Variants in KCNK2 observed in about 807,000 individuals in gnomAD.
KCNK2 encodes the protein potassium channel subfamily K member 2.
KCNK2 carries 21 observed loss-of-function variants against 40.5 expected under a neutral mutation model. The observed-to-expected ratio is 0.52, with a 90% confidence interval of 0.37 to 0.75. The LOEUF (loss-of-function observed/expected upper bound fraction) is 0.75, where lower values mean the gene tolerates loss of function less well. Ranked by LOEUF, KCNK2 falls within the 30% of genes least tolerant of loss-of-function variation. The pLI is 0.00. For synonymous variants in KCNK2, 191 were observed against 202.2 expected, an observed-to-expected ratio of 0.94 and a Z score of 0.47; for missense variants, 399 against 531.6, an observed-to-expected ratio of 0.75 and a Z score of 2.45.
At chr1:215,050,373 A>C (rs1452483931) in intron 1 of KCNK2, among the ~76,000 whole-genome samples, 2 of 152,212 alleles carry the variant, frequency 1.3e-5, no homozygotes, top group African/African-American at 4.8e-5. Flanking sequence ...TTGCAGTGTC[A>C]TGTCATAACT....
At chr1:215,205,368 G>T (rs1665270789) in intron 6 of KCNK2, among the ~76,000 whole-genome samples, 1 of 152,106 alleles carries the variant, frequency 6.6e-6, no homozygotes, top group South Asian at 2.1e-4. Context: ...CTCCCAAGTA[G>T]CTGGGACTAC....
At chr1:215,080,166 G>A (rs529784298), upstream of KCNK2, among the ~76,000 whole-genome samples, 21 of 152,238 alleles carry the variant, frequency 1.4e-4, no homozygotes, top group Admixed American at 3.3e-4. Context: ...AAACAGAAGC[G>A]CTATGCAAGC....
chr1:215,194,711 A>T (rs1489587007), intron 5 of KCNK2, among the ~76,000 whole-genome samples: 1 of 152,338 alleles, frequency 6.6e-6, no homozygotes, highest in South Asian at 2.1e-4. Flanking sequence ...AGGAAAAATC[A>T]TGATGATCTG....
intron 5 of KCNK2, among the ~76,000 whole-genome samples, chr1:215,188,881 C>G (rs747408118): frequency 1.6e-4 from 25 of 152,022 alleles, no homozygotes; most frequent in Non-Finnish European, 3.7e-4. Flanking sequence ...GTTTTATATT[C>G]ATTGGTCATT....
intron 1 of KCNK2, among the ~76,000 whole-genome samples, chr1:215,045,631 A>T (rs960182029): frequency 6.6e-6 from 1 of 152,110 alleles, no homozygotes; most frequent in African/African-American, 2.4e-5. Context: ...CATATGAAAA[A>T]CCTGTCCTTG....
rs1662628046 is a variant in KCNK2 at position 215,150,281 on chromosome 1, T to C, written c.476-18918T>C. ...AAGTAACATAATCAGAGGGGACCAA[T>C]AGGGAAATATTTCGGTTTGGTTAAC... On this transcript the variant is annotated intron_variant, in intron 3 of 6. Transcript: ENST00000444842. 2.6e-5 allele frequency among the ~76,000 whole-genome samples: 4 copies of C among 152,308 alleles called. No individual in the cohort carries two copies. In the South Asian group the frequency reaches 6.2e-4, roughly 24 times the overall value.
intron 1 of KCNK2, among the ~76,000 whole-genome samples, chr1:215,039,512 G>T (rs1657494256): frequency 6.6e-6 from 1 of 152,106 alleles, no homozygotes; most frequent in Non-Finnish European, 1.5e-5. Context: ...GGATATTGAA[G>T]AGAAGTAACT....
At chr1:215,038,811 C>G (rs1250295853) in intron 1 of KCNK2, among the ~76,000 whole-genome samples, 1 of 152,056 alleles carries the variant, frequency 6.6e-6, no homozygotes, top group Admixed American at 6.6e-5. Context: ...TTATTCCCAG[C>G]ACTTCTGCTT....
rs1434240371 is a variant in KCNK2, at chr1:215,083,278, C to T, written c.-108C>T. On this transcript the variant is annotated 5_prime_UTR_variant, in exon 1 of 7. Transcript: ENST00000444842. Reference sequence around the variant, plus strand: ...GGGGAAAATGCCTGCCCGTGCAGCTCGGAGCGCGCAGCCCGTCTCTGAATA... The same window carrying T: ...GGGGAAAATGCCTGCCCGTGCAGCTTGGAGCGCGCAGCCCGTCTCTGAATA... 1.3e-6 allele frequency: 2 copies of T among 1,596,644 alleles called. No homozygotes were observed. Among genetic ancestry groups the T allele is most frequent in the Admixed American group, 3.4e-5 (2 of 59,312 alleles).
In KCNK2 at chr1:215,210,515, T is replaced by A. The variant is rs191714382; in HGVS notation, c.963+15423T>A. 3.9e-5 allele frequency among the ~76,000 whole-genome samples: 6 copies of A among 152,252 alleles called. No individual in the cohort carries two copies. The East Asian group carries it at 1.2e-3, about 29-fold the overall frequency. ...CTCTGATTTGCAAGTTGAGGACTGTTATGAAAAGATGCATAGCACTAATTA... is the reference window on the plus strand; with the variant it reads ...CTCTGATTTGCAAGTTGAGGACTGTAATGAAAAGATGCATAGCACTAATTA... On this transcript the variant is annotated intron_variant, in intron 6 of 6. Transcript: ENST00000444842.
intron 6 of KCNK2, among the ~76,000 whole-genome samples, chr1:215,232,156 G>A (rs1227159731): frequency 6.6e-6 from 1 of 152,134 alleles, no homozygotes; most frequent in East Asian, 1.9e-4. Flanking sequence ...TCACTGAAGT[G>A]TTATTTGTAA....
At chr1:215,195,973 G>A (rs1230639207) in intron 6 of KCNK2, among the ~76,000 whole-genome samples, 1 of 151,990 alleles carries the variant, frequency 6.6e-6, no homozygotes, top group Non-Finnish European at 1.5e-5. Flanking sequence ...ACTCTTTCAT[G>A]GCTATAAGCA....
At chr1:215,188,925 A>G (rs929993250) in intron 5 of KCNK2, among the ~76,000 whole-genome samples, 13 of 152,120 alleles carry the variant, frequency 8.5e-5, no homozygotes, top group South Asian at 6.2e-4. Context: ...CACATATTGT[A>G]TATTAGATAC....
intron 2 of KCNK2, among the ~76,000 whole-genome samples, chr1:215,101,605 C>T (rs953228647): frequency 6.6e-6 from 1 of 151,932 alleles, no homozygotes. Context: ...GGGAAGTGAA[C>T]AAATGGAAAA....
intron 3 of KCNK2, among the ~76,000 whole-genome samples, chr1:215,140,714 A>G (rs761899603): frequency 2.6e-5 from 4 of 152,138 alleles, no homozygotes; most frequent in Non-Finnish European, 5.9e-5. Flanking sequence ...TGGGTCAGTG[A>G]GTGAGTGGTG....
At chr1:215,023,607 G>A (rs1045920486) in intron 1 of KCNK2, among the ~76,000 whole-genome samples, 1 of 152,288 alleles carries the variant, frequency 6.6e-6, no homozygotes, top group East Asian at 1.9e-4. Context: ...TGGCTTCGAC[G>A]ACTTTTCCAG....
intron 6 of KCNK2, among the ~76,000 whole-genome samples, chr1:215,225,441 T>C (rs1666348624): frequency 6.6e-6 from 1 of 152,254 alleles, no homozygotes; most frequent in Non-Finnish European, 1.5e-5. Flanking sequence ...TTAATTTCTA[T>C]AAATTATTGA....
chr1:215,048,045 AT>A (rs1293067081), intron 1 of KCNK2, among the ~76,000 whole-genome samples: 1 of 152,196 alleles, frequency 6.6e-6, no homozygotes, highest in African/African-American at 2.4e-5. Flanking sequence ...TTCTGATAAT[AT>A]TATTTCCAAT....
chr1:215,198,832 A>G (rs963112767), intron 6 of KCNK2, among the ~76,000 whole-genome samples: 2 of 152,204 alleles, frequency 1.3e-5, no homozygotes, highest in Admixed American at 6.5e-5. Flanking sequence ...AAAATTAAAT[A>G]TAGCTTCAAA....
Sources: gnomAD v4.1 joint callset for allele counts (sites outside exome capture counted in the v4.1 genomes callset) on GRCh38, gnomAD v4.1.1 for gene constraint, MANE v1.5 for transcripts, NCBI Gene and HGNC (gene_info 2026-07-23, HGNC 2026-07-21) for gene names.